The following ANKFN1 variants were observed in gnomAD, a reference collection of about 807,000 sequenced individuals.
ANKFN1 encodes ankyrin repeat and fibronectin type III domain containing 1.
A neutral mutation model predicts 108.7 loss-of-function variants in ANKFN1; 74 were observed. That is an observed-to-expected ratio of 0.68 (90% CI 0.56 to 0.83). The LOEUF (loss-of-function observed/expected upper bound fraction) is 0.83, where lower values mean the gene tolerates loss of function less well. Among genes scored for constraint, ANKFN1 ranks in the 40% least tolerant of loss-of-function variants. The probability of loss-of-function intolerance (pLI) is 0.00; values close to 1 mark genes in which losing one functional copy is unlikely to be tolerated. For missense variants in ANKFN1, 1,505 were observed against 1,382.3 expected, an observed-to-expected ratio of 1.09 and a Z score of -1.41; for synonymous variants, 547 against 516.2, an observed-to-expected ratio of 1.06 and a Z score of -0.81.
At chr17:56,170,807 T>TATATATATATACACACACACACAC (rs1361307404) in intron 1 of ANKFN1, among the ~76,000 whole-genome samples, 3 of 61,464 alleles carry the variant, frequency 4.9e-5, no homozygotes, top group African/African-American at 2.1e-4. Context: ...TATATATATA[T>TATATATATATACACACACACACAC]ACACACACAC....
At chr17:56,159,409 A>G (rs910509133) in intron 1 of ANKFN1, among the ~76,000 whole-genome samples, 3 of 152,314 alleles carry the variant, frequency 2.0e-5, no homozygotes, top group Non-Finnish European at 2.9e-5. Context: ...ATTTCAGCAT[A>G]TCACAGTTAG....
At chr17:56,304,874 C>G (rs889892588) in intron 3 of ANKFN1, among the ~76,000 whole-genome samples, 11 of 152,046 alleles carry the variant, frequency 7.2e-5, no homozygotes, top group African/African-American at 2.7e-4. Flanking sequence ...TGTCTTTTGG[C>G]CATTTCCGCA....
At chr17:56,410,755 T>A (rs2048067116) in intron 8 of ANKFN1, among the ~76,000 whole-genome samples, 1 of 152,164 alleles carries the variant, frequency 6.6e-6, no homozygotes, top group Non-Finnish European at 1.5e-5. Flanking sequence ...CTACTCTGCT[T>A]CAGTGAGATT....
intron 4 of ANKFN1, among the ~76,000 whole-genome samples, chr17:56,330,240 T>TGCTCACAATCACAGCTCA (rs2045625051): frequency 6.6e-6 from 1 of 151,938 alleles, no homozygotes; most frequent in Non-Finnish European, 1.5e-5. Context: ...GGGCTCACAA[T>TGCTCACAATCACAGCTCA]CATGGCAGAA....
At chr17:56,052,842 A>G (rs1415798941) in intron 4 of ANKFN1, among the ~76,000 whole-genome samples, 1 of 152,192 alleles carries the variant, frequency 6.6e-6, no homozygotes, top group African/African-American at 2.4e-5. Flanking sequence ...TATGCCAGCC[A>G]GCAGATAAGA....
chr17:56,344,250 T>C (rs189237394), intron 4 of ANKFN1, among the ~76,000 whole-genome samples: 26 of 152,230 alleles, frequency 1.7e-4, no homozygotes, highest in African/African-American at 6.3e-4. Context: ...GTTTTCAGAA[T>C]TAAATTTGTA....
chr17:56,067,869 C>T (rs147520568), intron 4 of ANKFN1, among the ~76,000 whole-genome samples: 20 of 152,232 alleles, frequency 1.3e-4, no homozygotes, highest in Non-Finnish European at 2.6e-4. Flanking sequence ...ATACAGTTTT[C>T]CTGGAAAGAC....
chr17:56,176,804 C>T (rs1192662540), intron 1 of ANKFN1, among the ~76,000 whole-genome samples: 1 of 152,164 alleles, frequency 6.6e-6, no homozygotes, highest in African/African-American at 2.4e-5. Context: ...AACACTCCAG[C>T]TTATGTTCTA....
chr17:56,405,284 G>A (rs8080268), intron 8 of ANKFN1, among the ~76,000 whole-genome samples: 8,169 of 152,216 alleles, frequency 0.054, 258 homozygotes, highest in Non-Finnish European at 0.06. Context: ...CATATAAAAA[G>A]ATGTTCAAAC....
chr17:56,296,017 A>G (rs556238970), intron 3 of ANKFN1, among the ~76,000 whole-genome samples: 1 of 152,366 alleles, frequency 6.6e-6, no homozygotes, highest in African/African-American at 2.4e-5. Flanking sequence ...ATACACATGT[A>G]TTAAATATAT....
intron 8 of ANKFN1, among the ~76,000 whole-genome samples, chr17:56,396,741 A>G (rs903017973): frequency 1.3e-5 from 2 of 152,120 alleles, no homozygotes; most frequent in South Asian, 2.1e-4. Context: ...ATCCTCTCCT[A>G]ATGAATGAGG....
chr17:56,131,118 A>G (rs1907255993), intron 4 of ANKFN1, among the ~76,000 whole-genome samples: 1 of 152,216 alleles, frequency 6.6e-6, no homozygotes, highest in South Asian at 2.1e-4. Context: ...CTGTAGGGGA[A>G]ACTGTCAGAA....
intron 5 of ANKFN1, among the ~76,000 whole-genome samples, chr17:56,351,316 G>T (rs8065830): frequency 6.6e-6 from 1 of 151,622 alleles, no homozygotes; most frequent in Admixed American, 6.6e-5. Flanking sequence ...TTCAAATAAT[G>T]ATATTATTAC....
chr17:56,164,047 G>A (rs1909926723), intron 1 of ANKFN1, among the ~76,000 whole-genome samples: 1 of 152,134 alleles, frequency 6.6e-6, no homozygotes, highest in African/African-American at 2.4e-5. Flanking sequence ...TCCCCCATGT[G>A]AGTCAAACAG....
intron 4 of ANKFN1, among the ~76,000 whole-genome samples, chr17:56,048,887 G>A (rs538300315): frequency 8.0e-4 from 122 of 152,316 alleles, no homozygotes; most frequent in African/African-American, 2.8e-3. Context: ...ATTTGAAGCT[G>A]ATGTCTGGCA....
chr17:56,105,668 T>G (rs1905733996), intron 4 of ANKFN1, among the ~76,000 whole-genome samples: 1 of 151,650 alleles, frequency 6.6e-6, no homozygotes, highest in Admixed American at 6.6e-5. Context: ...GGTTTATTAT[T>G]GCTTTTTTTC....
At chr17:56,472,104 T>C (rs1419084700) in intron 15 of ANKFN1, 1 of 152,246 alleles carries the variant, frequency 6.6e-6, no homozygotes, top group East Asian at 1.9e-4. Context: ...ACATTAATCT[T>C]GTCCCCTTTA....
chr17:56,356,731 A>T (rs915777025), intron 6 of ANKFN1, among the ~76,000 whole-genome samples: 2 of 152,132 alleles, frequency 1.3e-5, no homozygotes, highest in African/African-American at 2.4e-5. Context: ...TTCTGCAACA[A>T]CGTCTGTCCC....
intron 1 of ANKFN1, among the ~76,000 whole-genome samples, chr17:56,159,610 A>C (rs1598157049): frequency 6.6e-6 from 1 of 152,228 alleles, no homozygotes; most frequent in Non-Finnish European, 1.5e-5. Flanking sequence ...AGCTAGTAGT[A>C]CCTGACAGTG....
Sources: gnomAD v4.1 joint callset for allele counts (sites outside exome capture counted in the v4.1 genomes callset) on GRCh38, gnomAD v4.1.1 for gene constraint, MANE v1.5 for transcripts, NCBI Gene and HGNC (gene_info 2026-07-23, HGNC 2026-07-21) for gene names.